VAV3: variants seen among roughly 807,000 people sequenced by gnomAD.
VAV3 encodes guanine nucleotide exchange factor VAV3.
In VAV3, 94 loss-of-function variants were observed where a neutral mutation model predicts 131.2. The ratio of observed to expected loss-of-function variants is 0.72; its 90% confidence interval spans 0.61 to 0.85. VAV3 has a LOEUF of 0.85. VAV3 is among the 40% of genes least tolerant of loss of function. The pLI is 0.00. For missense variants in VAV3, 939 were observed against 1,002.7 expected (o/e 0.94, Z 0.86); for synonymous variants, 349 against 342.0 (o/e 1.02, Z -0.22).
At chr1:107,648,671 T>C (rs908212699) in intron 19 of VAV3, among the ~76,000 whole-genome samples, 34 of 152,086 alleles carry the variant, frequency 2.2e-4, no homozygotes, top group African/African-American at 8.0e-4. Context: ...TATTGTCACC[T>C]AGTCTAACCA....
intron 22 of VAV3, 129 bp downstream of exon 22, chr1:107,609,802 T>C (rs915920771): frequency 3.2e-5 from 29 of 903,872 alleles, no homozygotes; most frequent in Admixed American, 4.6e-5. Flanking sequence ...GGTGTTTTGT[T>C]ACATCTGAAA....
At chr1:107,865,103 C>T (rs746302) in intron 2 of VAV3, among the ~76,000 whole-genome samples, 44,510 of 152,092 alleles carry the variant, frequency 0.29, 7,401 homozygotes, top group Non-Finnish European at 0.38. Flanking sequence ...AACATGAAGG[C>T]TCTGAGAGGC....
intron 19 of VAV3, among the ~76,000 whole-genome samples, chr1:107,675,439 C>T (rs1042213869): frequency 4.6e-5 from 7 of 152,148 alleles, no homozygotes; most frequent in Admixed American, 3.3e-4. Flanking sequence ...AAATCCAGAT[C>T]TGTGCCACTG....
chr1:107,894,140 G>A (rs1412534047), intron 1 of VAV3, among the ~76,000 whole-genome samples: 3 of 152,222 alleles, frequency 2.0e-5, no homozygotes, highest in South Asian at 4.1e-4. Context: ...ATAGTTGACT[G>A]TAAATGGACA....
intron 1 of VAV3, among the ~76,000 whole-genome samples, chr1:107,933,803 G>A (rs1396452681): frequency 9.0e-6 from 1 of 111,190 alleles, no homozygotes; most frequent in Non-Finnish European, 1.8e-5. Context: ...GCAACAAAAT[G>A]AGACCCTTCT....
intron 1 of VAV3, among the ~76,000 whole-genome samples, chr1:107,900,381 C>T (rs1240950655): frequency 1.3e-5 from 2 of 152,130 alleles, no homozygotes; most frequent in Admixed American, 1.3e-4. Context: ...GGAAAATGTG[C>T]TAATAACTAA....
intron 1 of VAV3, among the ~76,000 whole-genome samples, chr1:107,881,069 C>T (rs1298996795): frequency 6.6e-6 from 1 of 152,168 alleles, no homozygotes; most frequent in Non-Finnish European, 1.5e-5. Context: ...ATTCTGGCTA[C>T]AGGGCCCATA....
chr1:107,956,444 C>G (rs1674818291), intron 1 of VAV3, among the ~76,000 whole-genome samples: 1 of 152,012 alleles, frequency 6.6e-6, no homozygotes. Context: ...GTTTAACATA[C>G]TAGAATTCTA....
chr1:107,844,079 T>G (rs116305113), intron 2 of VAV3, among the ~76,000 whole-genome samples: 1,682 of 152,118 alleles, frequency 0.011, 32 homozygotes, highest in African/African-American at 0.039. Context: ...GTGAAACCAA[T>G]GCAGAAGGCG....
At chr1:107,583,919 A>G (rs1428963059) in intron 25 of VAV3, among the ~76,000 whole-genome samples, 1 of 151,810 alleles carries the variant, frequency 6.6e-6, no homozygotes, top group African/African-American at 2.4e-5. Context: ...TAAAGTTCAT[A>G]TGGAACCAAA....
intron 19 of VAV3, among the ~76,000 whole-genome samples, chr1:107,668,483 G>A (rs968231808): frequency 6.6e-6 from 1 of 152,178 alleles, no homozygotes; most frequent in Non-Finnish European, 1.5e-5. Context: ...AATAAAGCAT[G>A]TAAAACCTCT....
chr1:107,844,549 C>T (rs1668876504), intron 2 of VAV3, among the ~76,000 whole-genome samples: 2 of 152,170 alleles, frequency 1.3e-5, no homozygotes, highest in Admixed American at 1.3e-4. Context: ...CCCATGGAGC[C>T]CCATAAGCTA....
At chr1:107,616,482 G>A (rs1476384948) in intron 21 of VAV3, among the ~76,000 whole-genome samples, 4 of 152,114 alleles carry the variant, frequency 2.6e-5, no homozygotes, top group Non-Finnish European at 5.9e-5. Context: ...CTACCTATCA[G>A]GTACTATGCT....
At chr1:107,946,735 T>C (rs1220075583) in intron 1 of VAV3, among the ~76,000 whole-genome samples, 1 of 152,232 alleles carries the variant, frequency 6.6e-6, no homozygotes, top group East Asian at 1.9e-4. Context: ...TATTCCATTA[T>C]CACTTCCTAT....
intron 2 of VAV3, among the ~76,000 whole-genome samples, chr1:107,871,898 G>A (rs1288711486): frequency 6.6e-6 from 1 of 152,182 alleles, no homozygotes; most frequent in Non-Finnish European, 1.5e-5. Flanking sequence ...TGAATCACAT[G>A]CCTATTTAGA....
At chr1:107,723,433 T>G (rs1178594313) in intron 15 of VAV3, among the ~76,000 whole-genome samples, 1 of 135,042 alleles carries the variant, frequency 7.4e-6, no homozygotes, top group Non-Finnish European at 1.6e-5. Context: ...AGCCCTCAAG[T>G]AAGTCCTCCA....
In VAV3 at chr1:107,903,889, C is replaced by A. The variant is rs541113697; in HGVS notation, c.205-28872G>T. Among the ~76,000 whole-genome samples the A allele has an allele frequency of 4.6e-5, 7 of 152,222 alleles. No homozygotes were observed. The East Asian group carries it at 5.8e-4, about 13-fold the overall frequency. On this transcript the variant is annotated intron_variant, in intron 1 of 26. Transcript: ENST00000370056. Reference sequence around the variant, plus strand: ...TGACCCCTTGTTCTCTTGGTCACACCCAATCCATCAGCAGCTCCTCTCAAC... The same window carrying A: ...TGACCCCTTGTTCTCTTGGTCACACACAATCCATCAGCAGCTCCTCTCAAC...
chr1:107,766,654 C>T (rs1664749452), intron 7 of VAV3, 104 bp from the exon 8 acceptor site: 1 of 778,720 alleles, frequency 1.3e-6, no homozygotes, highest in Non-Finnish European at 2.2e-6. Context: ...TCAGGATATG[C>T]TGAATGCTCT....
chr1:107,810,472 A>G (rs945886199), intron 2 of VAV3, among the ~76,000 whole-genome samples: 4 of 151,826 alleles, frequency 2.6e-5, no homozygotes, highest in Non-Finnish European at 4.4e-5. Context: ...TATATCTATA[A>G]CTAAAGAAAT....
Sources: gnomAD v4.1 joint callset for allele counts (sites outside exome capture counted in the v4.1 genomes callset) on GRCh38, gnomAD v4.1.1 for gene constraint, MANE v1.5 for transcripts, NCBI Gene and HGNC (gene_info 2026-07-23, HGNC 2026-07-21) for gene names.